ANXA4: variants seen among roughly 807,000 people sequenced by gnomAD.
ANXA4 encodes the protein annexin A4.
In ANXA4, 39 loss-of-function variants were observed where a neutral mutation model predicts 49.8. The ratio of observed to expected loss-of-function variants is 0.78; its 90% CI spans 0.61 to 1.02. The LOEUF (loss-of-function observed/expected upper bound fraction) is 1.02. Among genes scored for constraint, ANXA4 ranks in the 50% least tolerant of loss-of-function variants. ANXA4 has a pLI of 0.00. For synonymous variants in ANXA4, 134 were observed against 152.5 expected (o/e 0.88, Z 0.89); for missense variants, 360 against 410.1 (o/e 0.88, Z 1.05).
chr2:69,740,976 G>A (rs756753218), upstream of ANXA4, among the ~76,000 whole-genome samples: 5 of 151,444 alleles, frequency 3.3e-5, no homozygotes, highest in Non-Finnish European at 5.9e-5. Context: ...ACAGGCATGA[G>A]CCACTGTGCC....
chr2:69,707,290 T>G (rs1678529268), intron 2 of ANXA4, among the ~76,000 whole-genome samples: 1 of 152,190 alleles, frequency 6.6e-6, no homozygotes, highest in South Asian at 2.1e-4. Flanking sequence ...TAGTTATTGG[T>G]TTATCCAATC....
chr2:69,686,316 C>G (rs181110600), intron 2 of ANXA4, among the ~76,000 whole-genome samples: 1 of 152,066 alleles, frequency 6.6e-6, no homozygotes, highest in Non-Finnish European at 1.5e-5. Context: ...TCCCAAGTAG[C>G]TGGGACTACA....
chr2:69,666,905 G>A (rs1676958659), intron 2 of ANXA4, among the ~76,000 whole-genome samples: 1 of 152,118 alleles, frequency 6.6e-6, no homozygotes, highest in South Asian at 2.1e-4. Flanking sequence ...AATTAGCTAA[G>A]CGTGTTGGTG....
intron 1 of ANXA4, among the ~76,000 whole-genome samples, chr2:69,646,608 C>T (rs774974047): frequency 2.0e-5 from 3 of 152,084 alleles, no homozygotes; most frequent in Non-Finnish European, 2.9e-5. Context: ...ATCATATGAC[C>T]GATGGAACAG....
intron 1 of ANXA4, among the ~76,000 whole-genome samples, chr2:69,775,018 A>G (rs375315120): frequency 6.6e-6 from 1 of 152,160 alleles, no homozygotes; most frequent in East Asian, 1.9e-4. Context: ...ACTGTCACTC[A>G]CTTAGTTACT....
intron 2 of ANXA4, among the ~76,000 whole-genome samples, chr2:69,783,419 G>T (rs1469178373): frequency 1.3e-5 from 2 of 152,096 alleles, no homozygotes; most frequent in East Asian, 1.9e-4. Context: ...GTTTCACTGT[G>T]TTGGCCAGGC....
At chr2:69,720,158 T>C (rs1042758889) in intron 2 of ANXA4, among the ~76,000 whole-genome samples, 1 of 152,186 alleles carries the variant, frequency 6.6e-6, no homozygotes, top group African/African-American at 2.4e-5. Flanking sequence ...AGAATTTGTT[T>C]CATATGCTCA....
chr2:69,687,936 G>C (rs148497501), intron 2 of ANXA4, among the ~76,000 whole-genome samples: 1 of 152,092 alleles, frequency 6.6e-6, no homozygotes, highest in African/African-American at 2.4e-5. Context: ...TAAAACATAA[G>C]AGCATTTTGA....
intron 2 of ANXA4, among the ~76,000 whole-genome samples, chr2:69,659,477 T>C (rs1676630498): frequency 6.6e-6 from 1 of 152,266 alleles, no homozygotes; most frequent in African/African-American, 2.4e-5. Context: ...GGTCTCATTC[T>C]GTTGCCTAGG....
At chr2:69,761,038 A>C (rs1671264270) in intron 1 of ANXA4, among the ~76,000 whole-genome samples, 1 of 151,760 alleles carries the variant, frequency 6.6e-6, no homozygotes, top group African/African-American at 2.4e-5. Flanking sequence ...AAATAAATAA[A>C]TATAAAGTAA....
At chr2:69,681,512 G>C (rs539436494) in intron 2 of ANXA4, among the ~76,000 whole-genome samples, 13 of 151,876 alleles carry the variant, frequency 8.6e-5, no homozygotes, top group Non-Finnish European at 1.9e-4. Context: ...TTACAGGCAC[G>C]TGCCACCATA....
intron 1 of ANXA4, among the ~76,000 whole-genome samples, chr2:69,747,855 T>C (rs1670673712): frequency 6.6e-6 from 1 of 152,002 alleles, no homozygotes; most frequent in South Asian, 2.1e-4. Context: ...ATTATTATTA[T>C]TTAAAAATTT....
chr2:69,814,452 C>T (rs1242588358), intron 8 of ANXA4, among the ~76,000 whole-genome samples: 1 of 145,546 alleles, frequency 6.9e-6, no homozygotes. Flanking sequence ...CTCAAGTGAT[C>T]CTCCCACCTC....
At chr2:69,684,313 G>A (rs891303130) in intron 2 of ANXA4, among the ~76,000 whole-genome samples, 1 of 152,138 alleles carries the variant, frequency 6.6e-6, no homozygotes, top group Non-Finnish European at 1.5e-5. Context: ...ACATCTGCCC[G>A]AATGTACATG....
At chr2:69,665,497 G>C (rs1373636996) in intron 2 of ANXA4, among the ~76,000 whole-genome samples, 1 of 152,130 alleles carries the variant, frequency 6.6e-6, no homozygotes, top group African/African-American at 2.4e-5. Flanking sequence ...CATCTGCCTG[G>C]GCGACAGAGT....
intron 1 of ANXA4, among the ~76,000 whole-genome samples, chr2:69,649,780 T>C (rs1420348356): frequency 6.6e-6 from 1 of 150,874 alleles, no homozygotes; most frequent in Non-Finnish European, 1.5e-5. Context: ...TCTGGCTTTT[T>C]ATTTTTTTAT....
At chr2:69,677,587 T>C (rs1274374398) in intron 2 of ANXA4, among the ~76,000 whole-genome samples, 2 of 152,158 alleles carry the variant, frequency 1.3e-5, no homozygotes, top group Non-Finnish European at 2.9e-5. Flanking sequence ...ACATCACAAT[T>C]TGCTTAATAT....
intron 2 of ANXA4, among the ~76,000 whole-genome samples, chr2:69,685,672 G>A (rs1164290195): frequency 1.3e-5 from 2 of 152,188 alleles, no homozygotes; most frequent in East Asian, 1.9e-4. Flanking sequence ...TTAATATGAG[G>A]TCTAAGGAAT....
chr2:69,771,766 G>A (rs911593148), intron 1 of ANXA4, among the ~76,000 whole-genome samples: 9 of 152,106 alleles, frequency 5.9e-5, no homozygotes, highest in Non-Finnish European at 1.3e-4. Flanking sequence ...TGGACATCCT[G>A]GAAACCAGTA....
Sources: allele counts gnomAD v4.1 joint callset (sites outside exome capture counted in the v4.1 genomes callset), GRCh38; gene constraint gnomAD v4.1.1; transcripts MANE v1.5; gene names NCBI Gene and HGNC (gene_info 2026-07-23, HGNC 2026-07-21).